Variants in STRBP observed in about 807,000 individuals in gnomAD.
The protein encoded by STRBP is spermatid perinuclear RNA binding protein, also known as spermatid perinuclear RNA-binding protein.
A neutral mutation model predicts 80.1 loss-of-function variants in STRBP; 13 were observed. The ratio of observed to expected loss-of-function variants is 0.16; its 90% confidence interval spans 0.11 to 0.26. The LOEUF (loss-of-function observed/expected upper bound fraction) is 0.26, where lower values mean the gene tolerates loss of function less well. STRBP is among the 10% of genes least tolerant of loss of function. STRBP has a pLI of 1.00. For synonymous variants in STRBP, 284 were observed against 291.2 expected, an observed-to-expected ratio of 0.98 and a Z score of 0.25; for missense variants, 485 against 815.2, an observed-to-expected ratio of 0.59 and a Z score of 4.93.
intron 1 of STRBP, among the ~76,000 whole-genome samples, chr9:123,249,940 C>A (rs111313676): frequency 3.9e-5 from 6 of 152,238 alleles, no homozygotes; most frequent in African/African-American, 1.4e-4. Context: ...TTTGGAAGAT[C>A]AAGATAATTC....
At chr9:123,152,862 C>T (rs1298016396) in intron 11 of STRBP, among the ~76,000 whole-genome samples, 1 of 152,116 alleles carries the variant, frequency 6.6e-6, no homozygotes, top group Non-Finnish European at 1.5e-5. Flanking sequence ...ATAAAACTTA[C>T]ACACACGCAC....
chr9:123,140,116 A>G (rs905181355), intron 13 of STRBP, among the ~76,000 whole-genome samples: 1 of 152,208 alleles, frequency 6.6e-6, no homozygotes, highest in Non-Finnish European at 1.5e-5. Context: ...CAATTTTCCA[A>G]TCTACAAAAC....
intron 1 of STRBP, among the ~76,000 whole-genome samples, chr9:123,254,918 C>T (rs536307158): frequency 1.3e-5 from 2 of 152,190 alleles, no homozygotes; most frequent in African/African-American, 4.8e-5. Flanking sequence ...TCAAGGTCAC[C>T]CTTCTAAACG....
Position 123,136,123 on chromosome 9 carries a change from G to A in STRBP, c.1691C>T (p.Ala564Val), listed in dbSNP as rs12342958. ...CTCCAAGGCAGCTAAAGCTGCACTC[G>A]CCTTTGCCACTTTCTTATTTGGACC... ...GAGPNKKVAK[A>V]SAALAALEKL... Residue 564 changes from alanine (A) to valine (V), a missense_variant, in exon 16 of 19, where the codon GCG becomes GTG. Around this residue, in one of 3 missense-constraint regions of STRBP, gnomAD observed 23 missense variants for 79.0 expected, o/e 0.29. Transcript: ENST00000348403. The surrounding 1 kb of genome is among the most constrained non-coding windows in gnomAD (Gnocchi z 4.2). 6.2e-7 allele frequency: 1 copy of A among 1,614,164 alleles called. No homozygotes were observed. The highest frequency in any genetic ancestry group is 8.5e-7 in the Non-Finnish European group (1 of 1,180,022).
At chr9:123,178,519 T>C (rs936643673) in intron 4 of STRBP, among the ~76,000 whole-genome samples, 1 of 152,228 alleles carries the variant, frequency 6.6e-6, no homozygotes, top group African/African-American at 2.4e-5. Context: ...AGAGCAGTTA[T>C]GATATGCAAG....
chr9:123,126,938 C>T lies in STRBP; in HGVS notation c.1943-1265G>A, dbSNP rs538144390. Among the ~76,000 whole-genome samples the T allele has an allele frequency of 1.1e-3, 173 of 152,282 alleles. 7 individuals are homozygous for T. In the South Asian group the frequency reaches 0.034, roughly 30 times the overall value. On this transcript the variant is annotated intron_variant, in intron 18 of 18. Transcript: ENST00000348403. This position sits in a 1 kb window ranked among gnomAD's most constrained non-coding sequence, Gnocchi z 4.4. ...TAGAGAGTTTGAATTTAGAAGGAAA[C>T]CTGCGTAAGCTTATTATTGCATTAG...
At chr9:123,226,964 G>C (rs1464961891) in intron 2 of STRBP, among the ~76,000 whole-genome samples, 1 of 152,162 alleles carries the variant, frequency 6.6e-6, no homozygotes, top group Non-Finnish European at 1.5e-5. Flanking sequence ...ATGGTGGAAG[G>C]CATCACATGA....
chr9:123,120,835 T>C (rs1377975504), downstream of STRBP, among the ~76,000 whole-genome samples: 1 of 152,184 alleles, frequency 6.6e-6, no homozygotes, highest in African/African-American at 2.4e-5. Context: ...GGAAATATTT[T>C]AAATGAGTGA....
At chr9:123,175,390 G>A (rs1407115938) in intron 4 of STRBP, among the ~76,000 whole-genome samples, 5 of 152,156 alleles carry the variant, frequency 3.3e-5, no homozygotes, top group Non-Finnish European at 7.4e-5. Flanking sequence ...AGAATCAGCA[G>A]AGTTGAGAAT....
At chr9:123,158,600 T>G (rs2037392905) in intron 9 of STRBP, among the ~76,000 whole-genome samples, 171 bp from the exon 10 acceptor site, 1 of 152,188 alleles carries the variant, frequency 6.6e-6, no homozygotes, top group Non-Finnish European at 1.5e-5. Flanking sequence ...ACTCTCATTT[T>G]CAACATGTTA....
intron 1 of STRBP, among the ~76,000 whole-genome samples, chr9:123,266,950 G>A (rs1198128790): frequency 6.6e-6 from 1 of 151,290 alleles, no homozygotes; most frequent in Non-Finnish European, 1.5e-5. Flanking sequence ...CTCCAGACCT[G>A]TCCACCTTCC....
intron 1 of STRBP, among the ~76,000 whole-genome samples, chr9:123,243,031 T>TA (rs1198679288): frequency 6.6e-6 from 1 of 152,056 alleles, no homozygotes; most frequent in Non-Finnish European, 1.5e-5. Flanking sequence ...TTTAAAATAA[T>TA]AAAATTGGAG....
At chr9:123,194,466 ATGT>A (rs1005657490) in intron 2 of STRBP, among the ~76,000 whole-genome samples, 1 of 152,104 alleles carries the variant, frequency 6.6e-6, no homozygotes, top group Non-Finnish European at 1.5e-5. Flanking sequence ...GCATTCCCAC[ATGT>A]TGTAATAGCA....
chr9:123,174,702 T>G (rs1307925233), intron 4 of STRBP, among the ~76,000 whole-genome samples: 1 of 152,104 alleles, frequency 6.6e-6, no homozygotes, highest in Non-Finnish European at 1.5e-5. Flanking sequence ...GATAAAAGTA[T>G]AGAGCTAAGG....
chr9:123,128,244 A>G lies in STRBP; in HGVS notation c.1912T>C (p.Tyr638His), dbSNP rs2035975521. 6.2e-7 allele frequency: 1 copy of G among 1,614,072 alleles called. No homozygotes were observed. Among genetic ancestry groups the G allele is most frequent in the Non-Finnish European group, 8.5e-7 (1 of 1,180,038 alleles). The stretch of plus-strand genomic sequence containing the variant: ...GCAGGGGCAGCTGTGCTGTAACCAT[A>G]TGGTGTTCCATAGCCTAGTGCAAAG... ...GYIAPGYGTP[Y>H]GYSTAAPAYG... The change falls in exon 18 of 19, where the codon TAT becomes CAT. Residue 638 changes from tyrosine to histidine, a missense_variant. Tyr to His is a moderately conservative substitution (Grantham distance 83, BLOSUM62 2). Transcript: ENST00000348403.
chr9:123,248,802 A>C (rs75700301), intron 1 of STRBP, among the ~76,000 whole-genome samples: 72 of 152,182 alleles, frequency 4.7e-4, no homozygotes, highest in African/African-American at 1.7e-3. Context: ...CTTGTATGTC[A>C]CCTTGTTATA....
intron 1 of STRBP, among the ~76,000 whole-genome samples, chr9:123,261,726 C>T (rs544264854): frequency 1.3e-5 from 2 of 152,326 alleles, no homozygotes; most frequent in Middle Eastern, 3.4e-3. Flanking sequence ...ACTTCAAAAA[C>T]AACCGAAAAT....
chr9:123,137,761 T>G (rs1264650751), intron 14 of STRBP, among the ~76,000 whole-genome samples: 2 of 152,164 alleles, frequency 1.3e-5, no homozygotes, highest in Non-Finnish European at 2.9e-5. Context: ...ATTCTCTTAG[T>G]AAAGTATTCC....
chr9:123,235,584 CAAAAAAAAAAAAAA>C (rs71390421), intron 2 of STRBP, among the ~76,000 whole-genome samples: 14 of 36,530 alleles, frequency 3.8e-4, no homozygotes, highest in Middle Eastern at 0.045. Context: ...ACAAGTTCAG[CAAAAAAAAAAAAAA>C]AAAAAAAAAA....
Sources: gnomAD v4.1 joint callset for allele counts (sites outside exome capture counted in the v4.1 genomes callset) on GRCh38, gnomAD v4.1.1 for gene constraint, gnomAD v4.1.1 regional missense constraint, Gnocchi (gnomAD v3.1) non-coding constraint, MANE v1.5 for transcripts, NCBI Gene and HGNC (gene_info 2026-07-23, HGNC 2026-07-21) for gene names.